CDH2: variants seen among roughly 807,000 people sequenced by gnomAD.
CDH2 encodes cadherin-2.
Under a neutral mutation model 92.0 loss-of-function variants are expected in CDH2, and 17 were observed. That is an observed-to-expected ratio of 0.18 (90% CI 0.13 to 0.28). The LOEUF (loss-of-function observed/expected upper bound fraction) is 0.28, where lower values mean the gene tolerates loss of function less well. CDH2 is among the 10% of genes least tolerant of loss of function. CDH2 has a pLI of 1.00. For synonymous variants in CDH2, 419 were observed against 415.9 expected, an observed-to-expected ratio of 1.01 and a Z score of -0.09; for missense variants, 862 against 1,133.1, an observed-to-expected ratio of 0.76 and a Z score of 3.44.
intron 14 of CDH2, among the ~76,000 whole-genome samples, chr18:27,965,990 GAAAAAAAAA>G (rs373927434): frequency 2.4e-4 from 14 of 58,660 alleles, no homozygotes; most frequent in African/African-American, 9.5e-4. Context: ...TGTCTAAAAG[GAAAAAAAAA>G]AAAAAAAAAA....
chr18:27,949,431 A>C (rs1430036180), downstream of CDH2, among the ~76,000 whole-genome samples: 1 of 152,034 alleles, frequency 6.6e-6, no homozygotes, highest in Non-Finnish European at 1.5e-5. Flanking sequence ...TGTTTTTAAT[A>C]GCAAAAAAAT....
At chr18:27,966,905 C>T (rs2143899676) in intron 14 of CDH2, among the ~76,000 whole-genome samples, 1 of 152,228 alleles carries the variant, frequency 6.6e-6, no homozygotes, top group East Asian at 1.9e-4. Context: ...AACATAATCT[C>T]AGTGATGATA....
chr18:28,049,375 C>T (rs747560826), intron 2 of CDH2, among the ~76,000 whole-genome samples: 7 of 152,094 alleles, frequency 4.6e-5, no homozygotes, highest in Admixed American at 2.0e-4. Flanking sequence ...ATGCTAAACA[C>T]GCTCCTGAAA....
chr18:27,958,324 GA>G (rs5823569), intron 15 of CDH2, among the ~76,000 whole-genome samples: 46,004 of 151,782 alleles, frequency 0.3, 7,367 homozygotes, highest in East Asian at 0.43. Flanking sequence ...CAAGTTGTAA[GA>G]AGCTTCCATA....
At chr18:28,079,099 A>T (rs912241782) in intron 2 of CDH2, among the ~76,000 whole-genome samples, 1 of 152,208 alleles carries the variant, frequency 6.6e-6, no homozygotes, top group Non-Finnish European at 1.5e-5. Context: ...ATAAGATAGT[A>T]AAATCGTCTA....
chr18:28,112,115 G>T (rs2015422908), intron 2 of CDH2, among the ~76,000 whole-genome samples: 1 of 152,114 alleles, frequency 6.6e-6, no homozygotes, highest in African/African-American at 2.4e-5. Context: ...TGTACTATCA[G>T]TACACTGAAA....
At position 28,024,362 on chromosome 18, in the gene CDH2, T is replaced by G. The variant is rs568914277; in HGVS notation, c.173-10453A>C. ...TTTGTGTTGGGAAAATAAACATATG[T>G]AGAAATGAAATCTTAAGACAAAACA... On this transcript the variant is annotated intron_variant, in intron 2 of 15. Transcript: ENST00000269141. 3.3e-5 allele frequency among the ~76,000 whole-genome samples: 5 copies of G among 151,770 alleles called. No individual in the cohort carries two copies. In the South Asian group the frequency reaches 1.0e-3, roughly 32 times the overall value.
intron 7 of CDH2, among the ~76,000 whole-genome samples, chr18:27,999,489 T>C (rs2012693614): frequency 1.3e-5 from 2 of 151,928 alleles, no homozygotes; most frequent in Admixed American, 1.3e-4. Context: ...GATTATTAGG[T>C]TTGGAAAACA....
intron 7 of CDH2, among the ~76,000 whole-genome samples, chr18:28,000,916 T>A (rs968485691): frequency 6.6e-6 from 1 of 152,146 alleles, no homozygotes. Context: ...ATTTCAAGTC[T>A]GCACGAGGCC....
intron 1 of CDH2, among the ~76,000 whole-genome samples, chr18:28,154,612 G>A (rs1231256094): frequency 2.0e-5 from 3 of 152,220 alleles, no homozygotes; most frequent in African/African-American, 2.4e-5. Flanking sequence ...ATTTTTCCAC[G>A]GTCTCAATGC....
intron 8 of CDH2, 76 bp downstream of exon 8, chr18:27,993,424 C>T: frequency 7.0e-7 from 1 of 1,434,532 alleles, no homozygotes; most frequent in Non-Finnish European, 9.6e-7. Flanking sequence ...CTATTTAACA[C>T]ATTTATTATT....
chr18:28,111,294 G>A (rs1244254767), intron 2 of CDH2, among the ~76,000 whole-genome samples: 2 of 152,200 alleles, frequency 1.3e-5, no homozygotes, highest in Non-Finnish European at 2.9e-5. Flanking sequence ...TTCGAGGCAT[G>A]GGTGTAGCAC....
At chr18:28,088,910 A>T (rs1264931435) in intron 2 of CDH2, among the ~76,000 whole-genome samples, 1 of 152,204 alleles carries the variant, frequency 6.6e-6, no homozygotes, top group East Asian at 1.9e-4. Context: ...GTGCCAATTC[A>T]AGGGGAAACA....
In CDH2 at chr18:28,090,333, G is replaced by A. The variant is rs17536090; in HGVS notation, c.172+57340C>T. Among the ~76,000 whole-genome samples the A allele has an allele frequency of 2.4e-3, 362 of 152,216 alleles. 3 individuals carry two copies. Among genetic ancestry groups the A allele is most frequent in the African/African-American group, 8.3e-3 (343 of 41,538 alleles). On this transcript the variant is annotated intron_variant, in intron 2 of 15. Transcript: ENST00000269141. ...TGACAAATGTGTGGCATTGGCTGAC[G>A]TATGGATTTGTGTATTGGACAATAA... is the stretch of plus-strand genomic sequence containing the variant.
chr18:28,116,242 T>C (rs985162311), intron 2 of CDH2, among the ~76,000 whole-genome samples: 1 of 152,188 alleles, frequency 6.6e-6, no homozygotes, highest in Non-Finnish European at 1.5e-5. Context: ...TACTTTTCAA[T>C]CCATATGGCC....
At chr18:27,984,353 T>C (rs2012156436) in intron 13 of CDH2, among the ~76,000 whole-genome samples, 1 of 152,240 alleles carries the variant, frequency 6.6e-6, no homozygotes, top group Non-Finnish European at 1.5e-5. Flanking sequence ...GTTCCTAAAG[T>C]ACTTTCCAGT....
At chr18:28,031,293 A>C (rs1485691691) in intron 2 of CDH2, among the ~76,000 whole-genome samples, 1 of 151,974 alleles carries the variant, frequency 6.6e-6, no homozygotes, top group East Asian at 1.9e-4. Flanking sequence ...TCTATTTGCA[A>C]GTTCTAACAG....
At chr18:28,139,332 A>G (rs2144312182) in intron 2 of CDH2, among the ~76,000 whole-genome samples, 1 of 152,028 alleles carries the variant, frequency 6.6e-6, no homozygotes, top group East Asian at 1.9e-4. Flanking sequence ...CATTACACAA[A>G]CATATTGTAA....
At chr18:27,960,755 A>T (rs17467990) in intron 15 of CDH2, among the ~76,000 whole-genome samples, 1 of 152,186 alleles carries the variant, frequency 6.6e-6, no homozygotes, top group Non-Finnish European at 1.5e-5. Context: ...CATTTTTCAC[A>T]TATGCAGATA....
Sources: gnomAD v4.1 joint callset for allele counts (sites outside exome capture counted in the v4.1 genomes callset) on GRCh38, gnomAD v4.1.1 for gene constraint, MANE v1.5 for transcripts, NCBI Gene and HGNC (gene_info 2026-07-23, HGNC 2026-07-21) for gene names.